The following B4GALNT3 variants were observed in gnomAD, a reference collection of about 807,000 sequenced individuals.
B4GALNT3 encodes beta-1,4-N-acetylgalactosaminyltransferase 3.
A neutral mutation model predicts 120.2 loss-of-function variants in B4GALNT3; 86 were observed. That is an observed-to-expected ratio of 0.72 (90% confidence interval 0.60 to 0.86). The LOEUF is 0.86. Ranked by LOEUF, B4GALNT3 falls within the 40% of genes least tolerant of loss-of-function variation. The pLI is 0.00. For synonymous variants in B4GALNT3, 518 were observed against 510.4 expected (o/e 1.01, Z -0.20); for missense variants, 1,167 against 1,298.9 (o/e 0.90, Z 1.56).
chr12:547,944 G>A, intron 7 of B4GALNT3, 80 bp from the exon 8 acceptor site: 1 of 1,207,762 alleles, frequency 8.3e-7, no homozygotes, highest in Non-Finnish European at 1.2e-6. Context: ...AGTGTAAGGT[G>A]CTGGAAGGGG....
chr12:527,275 G>A (rs115925599), intron 1 of B4GALNT3, among the ~76,000 whole-genome samples: 1 of 152,298 alleles, frequency 6.6e-6, no homozygotes, highest in African/African-American at 2.4e-5. Context: ...GGATGTTTGG[G>A]TGAGGAGGAA....
At chr12:506,936 A>G (rs990633972) in intron 1 of B4GALNT3, among the ~76,000 whole-genome samples, 1 of 152,184 alleles carries the variant, frequency 6.6e-6, no homozygotes. Context: ...GTGCCCGGCC[A>G]AGTGCATTTT....
intron 1 of B4GALNT3, among the ~76,000 whole-genome samples, chr12:515,949 A>G (rs1186956978): frequency 6.6e-6 from 1 of 151,840 alleles, no homozygotes; most frequent in African/African-American, 2.4e-5. Context: ...CATCCTGGCT[A>G]ACGTGGTGAA....
In B4GALNT3 at chr12:553,841, G is replaced by T. The variant is rs757755431; in HGVS notation, c.1918G>T (p.Ala640Ser). Reference protein sequence around the residue: ...PVVNWDQTFSARNLDFQALRT... With the variant: ...PVVNWDQTFSSRNLDFQALRT... ...AGTAAACTGGGACCAGACCTTCAGT[G>T]CCCGGAATCTCGACTTCCAAGCCCT... Residue 640 changes from alanine to serine, a missense_variant, in exon 14 of 20, where the codon GCC becomes TCC. Ala to Ser is a moderately conservative substitution (Grantham distance 99). Around this residue, in one of 3 missense-constraint regions of B4GALNT3, gnomAD observed 983 missense variants for 1,102.5 expected, o/e 0.89. Transcript: ENST00000266383. The T allele has an allele frequency of 6.2e-7, 1 of 1,614,256 alleles. No individual in the cohort carries two copies. The highest frequency in any genetic ancestry group is 1.7e-5 in the Admixed American group (1 of 60,032).
chr12:511,263 CCTTCCACCTTCGACCTT>C (rs1359620976), intron 1 of B4GALNT3, among the ~76,000 whole-genome samples: 3 of 149,422 alleles, frequency 2.0e-5, no homozygotes, highest in Admixed American at 6.7e-5. Context: ...CTGCCTTCCG[CCTTCCACCTTCGACCTT>C]CTTCCACCTT....
chr12:537,419 AT>A (rs1701346548), intron 3 of B4GALNT3, among the ~76,000 whole-genome samples: 2 of 152,094 alleles, frequency 1.3e-5, no homozygotes, highest in African/African-American at 2.4e-5. Context: ...TGCCTGGCTA[AT>A]TTTTAAAATT....
intron 1 of B4GALNT3, among the ~76,000 whole-genome samples, chr12:473,043 A>C (rs1278653911): frequency 1.3e-5 from 2 of 150,568 alleles, no homozygotes; most frequent in East Asian, 3.9e-4. Flanking sequence ...CTAGTGGTTC[A>C]CTGCAGCCTC....
In B4GALNT3 at chr12:556,242, T is replaced by C. The variant is rs1947155027; in HGVS notation, c.2061-305T>C. ...TGGAATGTTGATTCGACCGTTTTTA[T>C]TGAGGGTCAGTTTCTCAGGGAACCT... On this transcript the variant is annotated intron_variant, in intron 14 of 19. Transcript: ENST00000266383. Among the ~76,000 whole-genome samples, 3 of 152,346 alleles carry C rather than the reference T, an allele frequency of 2.0e-5. No individual in the cohort carries two copies. The South Asian group carries it at 6.2e-4, about 32-fold the overall frequency.
At chr12:543,892 T>C (rs866375866) in intron 3 of B4GALNT3, among the ~76,000 whole-genome samples, 34 of 92,122 alleles carry the variant, frequency 3.7e-4, no homozygotes, top group East Asian at 1.2e-3. Context: ...CTCATCTTCC[T>C]GGAGCTGAGG....
chr12:509,320 G>T (rs968308837), intron 1 of B4GALNT3, among the ~76,000 whole-genome samples: 1 of 152,216 alleles, frequency 6.6e-6, no homozygotes, highest in South Asian at 2.1e-4. Context: ...TTAGAAGGTG[G>T]CCTGGAGCCA....
At chr12:482,241 CCTACTAGCAG>C (rs1181483097) in intron 1 of B4GALNT3, among the ~76,000 whole-genome samples, 1 of 152,194 alleles carries the variant, frequency 6.6e-6, no homozygotes, top group Non-Finnish European at 1.5e-5. Flanking sequence ...CCATTTGGAG[CCTACTAGCAG>C]CCACAGCACA....
chr12:539,284 A>T lies in B4GALNT3; in HGVS notation c.351+2989A>T, dbSNP rs536437351. Among the ~76,000 whole-genome samples the T allele has an allele frequency of 6.6e-5, 10 of 151,900 alleles. No homozygotes were observed. The East Asian group carries it at 1.9e-3, about 29-fold the overall frequency. Reference sequence around the variant, plus strand: ...CTGATCACAAGACGCTCATTAACAAACCCCAGTGCCAATCTGTTCATGTGT... The same window carrying T: ...CTGATCACAAGACGCTCATTAACAATCCCCAGTGCCAATCTGTTCATGTGT... On this transcript the variant is annotated intron_variant, in intron 3 of 19. Transcript: ENST00000266383.
chr12:466,990 G>A (rs1946087518), intron 1 of B4GALNT3, among the ~76,000 whole-genome samples: 1 of 151,886 alleles, frequency 6.6e-6, no homozygotes, highest in African/African-American at 2.4e-5. Flanking sequence ...ACCCCGGTGG[G>A]GGCGGTGCTA....
At chr12:546,422 C>T (rs1199772586) in intron 6 of B4GALNT3, among the ~76,000 whole-genome samples, 1 of 152,074 alleles carries the variant, frequency 6.6e-6, no homozygotes, top group African/African-American at 2.4e-5. Flanking sequence ...TGCAGGTCAT[C>T]CGGCTGCTCC....
chr12:513,113 TCCTTCCA>T (rs1227861965), intron 1 of B4GALNT3, among the ~76,000 whole-genome samples: 1 of 135,338 alleles, frequency 7.4e-6, no homozygotes. Context: ...CCTTCTGCCT[TCCTTCCA>T]CCTTCCGCCT....
chr12:471,106 T>C (rs1946131490), intron 1 of B4GALNT3, among the ~76,000 whole-genome samples: 1 of 150,630 alleles, frequency 6.6e-6, no homozygotes, highest in South Asian at 2.1e-4. Flanking sequence ...CACTACATTG[T>C]GGCTGGGCGC....
At chr12:514,973 G>A (rs1337601254) in intron 1 of B4GALNT3, among the ~76,000 whole-genome samples, 5 of 152,156 alleles carry the variant, frequency 3.3e-5, no homozygotes, top group South Asian at 2.1e-4. Flanking sequence ...AGTCGAGATC[G>A]CACCACTGCA....
chr12:546,830 C>A, intron 7 of B4GALNT3, 117 bp downstream of exon 7: 1 of 1,018,654 alleles, frequency 9.8e-7, no homozygotes. Flanking sequence ...CCGGCACCCA[C>A]ACGCTCCCGG....
intron 1 of B4GALNT3, among the ~76,000 whole-genome samples, chr12:510,144 G>A (rs1015176067): frequency 6.6e-6 from 1 of 152,188 alleles, no homozygotes; most frequent in Non-Finnish European, 1.5e-5. Context: ...AACCTAGTTA[G>A]CTGCATGACA....
Sources: allele counts gnomAD v4.1 joint callset (sites outside exome capture counted in the v4.1 genomes callset), GRCh38; gene constraint gnomAD v4.1.1; regional missense constraint gnomAD v4.1.1; transcripts MANE v1.5; gene names NCBI Gene and HGNC (gene_info 2026-07-23, HGNC 2026-07-21).